Variants in NOTCH2 observed in about 807,000 individuals in gnomAD.
NOTCH2 encodes notch receptor 2, also known as neurogenic locus notch homolog protein 2.
In NOTCH2, 29 loss-of-function variants were observed where a neutral mutation model predicts 235.8. That is an observed-to-expected ratio of 0.12 (90% confidence interval 0.09 to 0.17). The LOEUF is 0.17. NOTCH2 is among the 10% of genes least tolerant of loss of function. The probability of loss-of-function intolerance (pLI) is 1.00; values close to 1 mark genes in which losing one functional copy is unlikely to be tolerated. For missense variants in NOTCH2, 2,285 were observed against 3,150.2 expected (o/e 0.73, Z 6.57); for synonymous variants, 1,086 against 1,141.5 (o/e 0.95, Z 0.98).
In NOTCH2 at chr1:119,942,264, T is replaced by C. The variant is rs1650089502; in HGVS notation, c.2753-510A>G. ...CACAGTTTAAATAAAAATTGAAATA[T>C]CACATAGCTTGATCTTGGAACACTT... On this transcript the variant is annotated intron_variant, in intron 17 of 33. Coordinates refer to ENST00000256646, the MANE Select transcript of NOTCH2 (RefSeq NM_024408.4). Among the ~76,000 whole-genome samples the C allele has an allele frequency of 3.3e-5, 5 of 152,186 alleles. 1 individual carries two copies. The highest frequency in any genetic ancestry group is 3.3e-4 in the Admixed American group (5 of 15,286).
At chr1:119,963,373 G>T (rs10923929) in intron 11 of NOTCH2, among the ~76,000 whole-genome samples, 18 of 152,254 alleles carry the variant, frequency 1.2e-4, no homozygotes, top group Admixed American at 7.2e-4. Context: ...TCATCAGATT[G>T]GCAGAGCTAT....
At position 119,916,129 on chromosome 1, in the gene NOTCH2, G is replaced by C. The variant is rs760313933; in HGVS notation, c.6593C>G (p.Ala2198Gly). Residue 2198 changes from alanine (A) to glycine (G), a missense_variant, in exon 34 of 34, where the codon GCA becomes GGA. Ala to Gly is a moderately conservative substitution (Grantham distance 60, BLOSUM62 0). Coordinates refer to ENST00000256646, the MANE Select transcript of NOTCH2 (RefSeq NM_024408.4). The part of the protein sequence containing the change: ...APPAPVHAQH[A>G]LSFSNLHEMQ... ...TTCATGAAGGTTAGAAAAAGATAGT[G>C]CATGCTGGGCATGGACTGGGGCAGG... 6.2e-7 allele frequency: 1 copy of C among 1,614,138 alleles called. No individual in the cohort carries two copies. The highest frequency in any genetic ancestry group is 1.7e-5 in the Admixed American group (1 of 60,028).
intron 11 of NOTCH2, among the ~76,000 whole-genome samples, chr1:119,963,216 A>AAGGAAGGAAGGAAGG: frequency 6.6e-6 from 1 of 152,160 alleles, no homozygotes; most frequent in Admixed American, 6.5e-5. Flanking sequence ...GGAAGGACTG[A>AAGGAAGGAAGGAAGG]ATTTATTAAT....
rs1463069698 is a variant in NOTCH2 at position 119,913,278 on chromosome 1, A to G, written c.*2028T>C. On this transcript the variant is annotated 3_prime_UTR_variant, in exon 34 of 34. Transcript: ENST00000256646. The stretch of plus-strand genomic sequence containing the variant: ...CAGAAGTAATTATTTTTGTTGGTTC[A>G]ATAAATTTGGATAGGACTGAAAAAA... 1 of 233,202 alleles carries G rather than the reference A, an allele frequency of 4.3e-6. No homozygotes were observed. Among genetic ancestry groups the G allele is most frequent in the African/African-American group, 2.2e-5 (1 of 45,368 alleles). The allele number at this position is 233,202 out of a possible 1,614,324, so 14.4% of individuals were successfully genotyped here.
chr1:120,066,161 T>C (rs1315529107), intron 1 of NOTCH2, among the ~76,000 whole-genome samples: 13 of 152,202 alleles, frequency 8.5e-5, no homozygotes, highest in African/African-American at 3.1e-4. Flanking sequence ...CTATATCTCT[T>C]ACGTTAGCAA....
chr1:119,942,498 G>A (rs587771799), intron 17 of NOTCH2, among the ~76,000 whole-genome samples: 6 of 152,258 alleles, frequency 3.9e-5, no homozygotes, highest in Admixed American at 1.3e-4. Context: ...TTTTATTAGC[G>A]AAACATTTAA....
chr1:119,966,461 T>C lies in NOTCH2; in HGVS notation c.1482A>G (p.Glu494=), dbSNP rs1651141603. The change falls in exon 9 of 34, where the codon GAA becomes GAG. Residue 494 remains glutamate (E), a synonymous_variant. Transcript: ENST00000256646. ...PGFKGVHCEL[E]INECQSNPCV... ...AAGGGTTGCTCTGACATTCATTTAT[T>C]TCTAATTCACAATGCACACCTTTGA... The C allele has an allele frequency of 6.2e-7, 1 of 1,613,738 alleles. No individual in the cohort carries two copies. Among genetic ancestry groups the C allele is most frequent in the Non-Finnish European group, 8.5e-7 (1 of 1,179,754 alleles).
intron 5 of NOTCH2, among the ~76,000 whole-genome samples, chr1:119,977,372 C>G (rs587753110): frequency 1.3e-5 from 2 of 152,150 alleles, no homozygotes; most frequent in African/African-American, 4.8e-5. Context: ...TTGTATCACA[C>G]CCAGATTCAC....
chr1:120,038,951 T>C (rs1409032074), intron 1 of NOTCH2, among the ~76,000 whole-genome samples: 1 of 152,030 alleles, frequency 6.6e-6, no homozygotes, highest in African/African-American at 2.4e-5. Flanking sequence ...ATAGGTTGAA[T>C]GGAAGCCAAA....
intron 22 of NOTCH2, among the ~76,000 whole-genome samples, chr1:119,933,425 G>A (rs1472843171): frequency 6.6e-6 from 1 of 152,120 alleles, no homozygotes; most frequent in African/African-American, 2.4e-5. Flanking sequence ...AGCACACACA[G>A]TAAAATAATC....
At position 120,069,640 on chromosome 1, in the gene NOTCH2, T is replaced by C; in HGVS notation, c.-234A>G. On this transcript the variant is annotated 5_prime_UTR_variant, in exon 1 of 34. Transcript: ENST00000256646. ...CGCCCGAAGTTTGGCTGAAACTTTC[T>C]CGGGTGTGCAACGAAGCAGCCTCGT... is the stretch of plus-strand genomic sequence containing the variant. 2.2e-6 allele frequency: 3 copies of C among 1,393,642 alleles called. No homozygotes were observed. Among genetic ancestry groups the C allele is most frequent in the Non-Finnish European group, 9.3e-7 (1 of 1,079,054 alleles). 86.3% of individuals were successfully genotyped at this position (1,393,642 alleles called of 1,614,324 possible). A position where few individuals can be genotyped will look rare whatever the true frequency, so the allele number is the denominator to read the frequency against.
At chr1:119,938,129 CT>C in intron 19 of NOTCH2, 119 bp from the exon 20 acceptor site, 1 of 1,128,496 alleles carries the variant, frequency 8.9e-7, no homozygotes. Context: ...GAAAAAGAGC[CT>C]TCATCTAGTA....
At chr1:119,963,830 G>C (rs782259944) in intron 10 of NOTCH2, 23 bp from the exon 11 acceptor site, 1 of 1,595,384 alleles carries the variant, frequency 6.3e-7, no homozygotes, top group African/African-American at 1.3e-5. Context: ...TTTTATCAAG[G>C]ATTCTCAAAG....
rs1160957358 is a variant in NOTCH2 at position 119,915,388 on chromosome 1, G to A, written c.7334C>T (p.Pro2445Leu). The change falls in exon 34 of 34, where the codon CCT becomes CTT. Residue 2445 changes from proline to leucine, a missense_variant. Pro to Leu is a moderately conservative substitution (Grantham distance 98). Transcript: ENST00000256646. ...CCGCTGACCTCCTCCAGCACCCCCA[G>A]GGGTAGGGCTGGTGGTCACATCTGA... is the stretch of plus-strand genomic sequence containing the variant. ...DWSDVTTSPT[P>L]GGAGGGQRGP... 6.2e-7 allele frequency: 1 copy of A among 1,614,172 alleles called. No individual in the cohort carries two copies. Among genetic ancestry groups the A allele is most frequent in the Non-Finnish European group, 8.5e-7 (1 of 1,180,024 alleles).
chr1:119,975,645 A>C (rs1553200836), intron 5 of NOTCH2, among the ~76,000 whole-genome samples: 1 of 15,156 alleles, frequency 6.6e-5, no homozygotes, highest in East Asian at 0.033. Flanking sequence ...ACTCCATCTC[A>C]AAAAAAAAAA....
intron 14 of NOTCH2, among the ~76,000 whole-genome samples, chr1:119,953,250 G>T (rs1048482083): frequency 6.6e-6 from 1 of 151,606 alleles, no homozygotes; most frequent in African/African-American, 2.4e-5. Context: ...GGTAGAGCTT[G>T]CAGTGAGCCA....
intron 2 of NOTCH2, among the ~76,000 whole-genome samples, chr1:120,023,566 T>A (rs1653718612): frequency 8.3e-6 from 1 of 120,660 alleles, no homozygotes. Flanking sequence ...AAATCAGTAG[T>A]ACTTATCTCC....
At chr1:120,037,996 T>A (rs1553212166) in intron 1 of NOTCH2, among the ~76,000 whole-genome samples, 1 of 152,192 alleles carries the variant, frequency 6.6e-6, no homozygotes, top group Non-Finnish European at 1.5e-5. Context: ...AGAATAATTT[T>A]TGGTTTTAAA....
At chr1:119,940,855 T>C in intron 18 of NOTCH2, 99 bp from the exon 19 acceptor site, 2 of 1,060,106 alleles carry the variant, frequency 1.9e-6, no homozygotes, top group South Asian at 2.7e-5. Flanking sequence ...CAGAGGCAAA[T>C]ACCTCTGAGC....
Sources: allele counts gnomAD v4.1 joint callset (sites outside exome capture counted in the v4.1 genomes callset), GRCh38; gene constraint gnomAD v4.1.1; transcripts MANE v1.5; gene names NCBI Gene and HGNC (gene_info 2026-07-23, HGNC 2026-07-21).